The following PGLYRP3 variants were observed in gnomAD, a reference collection of about 807,000 sequenced individuals.
The protein encoded by PGLYRP3 is peptidoglycan recognition protein 3, also known as peptidoglycan recognition protein I alpha.
A neutral mutation model predicts 36.0 loss-of-function variants in PGLYRP3; 39 were observed. That is an observed-to-expected ratio of 1.08 (90% CI 0.84 to 1.41). The LOEUF is 1.41. Among genes scored for constraint, PGLYRP3 ranks in the 40% most tolerant of loss-of-function variants. The probability of loss-of-function intolerance (pLI) is 0.00; values close to 1 mark genes in which losing one functional copy is unlikely to be tolerated. For missense variants in PGLYRP3, 407 were observed against 427.9 expected, an observed-to-expected ratio of 0.95 and a Z score of 0.43; for synonymous variants, 204 against 172.8, an observed-to-expected ratio of 1.18 and a Z score of -1.42.
At chr1:153,306,467 A>G (rs1164313113) in intron 3 of PGLYRP3, among the ~76,000 whole-genome samples, 7 of 152,196 alleles carry the variant, frequency 4.6e-5, no homozygotes, top group Non-Finnish European at 7.3e-5. Flanking sequence ...CCTCCCCGCC[A>G]TTCCCAAAGC....
In PGLYRP3 at chr1:153,297,736, AG is replaced by A. The variant is rs1287081304; in HGVS notation, c.*219del. ...CCCAGGGGAGAGGTAGGTAAAAGAGAGGGGAAGTCTAAACTCAGACCAAGAG... is the reference window on the plus strand; with the variant it reads ...CCCAGGGGAGAGGTAGGTAAAAGAGAGGGAAGTCTAAACTCAGACCAAGAG... On this transcript the variant is annotated 3_prime_UTR_variant, in exon 8 of 8. Transcript: ENST00000683862. The A allele has an allele frequency of 2.1e-6, 1 of 485,158 alleles. No homozygotes were observed. Among genetic ancestry groups the A allele is most frequent in the Non-Finnish European group, 3.6e-6 (1 of 274,418 alleles). The allele number at this position is 485,158 out of a possible 1,614,324, so 30.1% of individuals were successfully genotyped here.
At chr1:153,309,145 C>G (rs548718664) in intron 2 of PGLYRP3, among the ~76,000 whole-genome samples, 1 of 152,310 alleles carries the variant, frequency 6.6e-6, no homozygotes, top group Non-Finnish European at 1.5e-5. Flanking sequence ...CCCCATTGCT[C>G]CCATTCAGTA....
chr1:153,308,821 A>T (rs1659822182), intron 2 of PGLYRP3, among the ~76,000 whole-genome samples: 1 of 152,110 alleles, frequency 6.6e-6, no homozygotes, highest in Non-Finnish European at 1.5e-5. Context: ...CTGCCCAGAG[A>T]GGCCTTTGTC....
intron 1 of PGLYRP3, among the ~76,000 whole-genome samples, chr1:153,310,931 C>T (rs1659883691): frequency 6.6e-6 from 1 of 152,134 alleles, no homozygotes; most frequent in Non-Finnish European, 1.5e-5. Context: ...CTCCTGTTGC[C>T]CTGGGCAACT....
At chr1:153,309,124 C>T (rs1194913293) in intron 2 of PGLYRP3, among the ~76,000 whole-genome samples, 1 of 152,226 alleles carries the variant, frequency 6.6e-6, no homozygotes, top group African/African-American at 2.4e-5. Flanking sequence ...CACTGCCAGC[C>T]TGTCCTTATC....
chr1:153,297,385 G>A lies in PGLYRP3; in HGVS notation c.*571C>T, dbSNP rs1659451100. ...CACACTGACCTAGGTCATGGGTGAGGGATGAAGGGTGGGGGCTTCCAGGCA... is the reference window on the plus strand; with the variant it reads ...CACACTGACCTAGGTCATGGGTGAGAGATGAAGGGTGGGGGCTTCCAGGCA... On this transcript the variant is annotated 3_prime_UTR_variant, in exon 8 of 8. Coordinates refer to ENST00000683862, the MANE Select transcript of PGLYRP3 (RefSeq NM_052891.3). 6.7e-6 allele frequency among the ~76,000 whole-genome samples: 1 copy of A among 149,974 alleles called. No homozygotes were observed. Among genetic ancestry groups the A allele is most frequent in the Non-Finnish European group, 1.5e-5 (1 of 67,694 alleles).
Position 153,310,638 on chromosome 1 carries a change from A to C in PGLYRP3, c.28T>G (p.Phe10Val), listed in dbSNP as rs1437100283. ...CAAGCCTGGAGACCCAGAATGAAGAAGGCAAGAAGCCATGGCAGCGTCCCC... is the reference window on the plus strand; with the variant it reads ...CAAGCCTGGAGACCCAGAATGAAGACGGCAAGAAGCCATGGCAGCGTCCCC... MGTLPWLLAFFILGLQAWDT... is the reference protein window; with the variant it reads MGTLPWLLAVFILGLQAWDT... The change falls in exon 2 of 8, where the codon TTC becomes GTC. Residue 10 changes from phenylalanine (F) to valine (V), a missense_variant. Physicochemically the swap from Phe to Val is conservative, Grantham distance 50 (BLOSUM62 -1). Transcript: ENST00000683862. The C allele has an allele frequency of 6.2e-6, 10 of 1,614,038 alleles. No individual in the cohort carries two copies. The highest frequency in any genetic ancestry group is 1.6e-4 in the Middle Eastern group (1 of 6,084).
In PGLYRP3 at chr1:153,297,518, G is replaced by A. The variant is rs1191809385; in HGVS notation, c.*438C>T. The stretch of plus-strand genomic sequence containing the variant: ...AAGGTGAAAGGAAGGAAGGAAGGAA[G>A]GAAGGAAGGAAGGAAGGAAGGAAGG... On this transcript the variant is annotated 3_prime_UTR_variant, in exon 8 of 8. Transcript: ENST00000683862. 5.5e-4 allele frequency among the ~76,000 whole-genome samples: 37 copies of A among 66,772 alleles called. No individual in the cohort carries two copies. The highest frequency in any genetic ancestry group is 2.2e-3 in the African/African-American group (35 of 15,792). The allele number at this position is 66,772 out of a possible 152,430, so 43.8% of individuals were successfully genotyped here.
intron 5 of PGLYRP3, among the ~76,000 whole-genome samples, chr1:153,302,879 A>G (rs1431678785): frequency 3.9e-5 from 6 of 152,226 alleles, no homozygotes; most frequent in African/African-American, 9.6e-5. Context: ...GCTGTGGGTT[A>G]TACAGAGGCA....
At chr1:153,309,812 C>A (rs1211234163) in intron 2 of PGLYRP3, among the ~76,000 whole-genome samples, 2 of 152,202 alleles carry the variant, frequency 1.3e-5, no homozygotes, top group Non-Finnish European at 2.9e-5. Context: ...AACCAGGAGG[C>A]AGGGATGAGG....
chr1:153,297,794 G>T lies in PGLYRP3; in HGVS notation c.*162C>A. On this transcript the variant is annotated 3_prime_UTR_variant, in exon 8 of 8. Transcript: ENST00000683862. Reference sequence around the variant, plus strand: ...GAATGCCCAGCTGTGAGGTTTGGGGGCTCCTGGAGGATGTTGGCAGGAAAG... The same window carrying T: ...GAATGCCCAGCTGTGAGGTTTGGGGTCTCCTGGAGGATGTTGGCAGGAAAG... 5.3e-6 allele frequency: 4 copies of T among 756,036 alleles called. No individual in the cohort carries two copies. The South Asian group carries it at 5.8e-5, about 11-fold the overall frequency. 46.8% of individuals were successfully genotyped at this position (756,036 alleles called of 1,614,324 possible).
In PGLYRP3 at chr1:153,303,881, G is replaced by A. The variant is rs969048482; in HGVS notation, c.505C>T (p.Gln169Ter). 6.2e-7 allele frequency: 1 copy of A among 1,613,566 alleles called. No individual in the cohort carries two copies. Among genetic ancestry groups the A allele is most frequent in the Admixed American group, 1.7e-5 (1 of 60,008 alleles). The change falls in exon 5 of 8, where the codon CAA (glutamine) becomes TAA (stop). Residue 169 changes from glutamine (Q) to a stop codon, truncating the protein, a stop_gained. Transcript: ENST00000683862. LOFTEE classifies it high-confidence loss of function. ...CCCTTCCTGGGCATCACTGGATGTT[G>A]AGGGTCCAGGCAGGTCTCTTCTTTC... ...LLKEETCLDP[Q>*]HPVMPRKVCP...
chr1:153,302,687 A>T (rs1659629671), intron 5 of PGLYRP3, 80 bp from the exon 6 acceptor site: 5 of 1,398,002 alleles, frequency 3.6e-6, no homozygotes, highest in Non-Finnish European at 4.0e-6. Context: ...AGGCTGGATT[A>T]TTCCTCAGCC....
rs544275867 is a variant in PGLYRP3 at position 153,297,230 on chromosome 1, G to A, written c.*726C>T. On this transcript the variant is annotated 3_prime_UTR_variant, in exon 8 of 8. Coordinates refer to ENST00000683862, the MANE Select transcript of PGLYRP3 (RefSeq NM_052891.3). ...ATGAATAAAATAGAATTCCTCCCTT[G>A]GAGAAACTTACAACCCAGAGGAGAG... Among the ~76,000 whole-genome samples the A allele has an allele frequency of 1.3e-5, 2 of 152,138 alleles. No individual in the cohort carries two copies. Among genetic ancestry groups the A allele is most frequent in the East Asian group, 3.9e-4 (2 of 5,176 alleles).
At chr1:153,300,591 C>T (rs1171831054) in intron 6 of PGLYRP3, among the ~76,000 whole-genome samples, 1 of 152,172 alleles carries the variant, frequency 6.6e-6, no homozygotes, top group Non-Finnish European at 1.5e-5. Context: ...CTGAAGGACT[C>T]TTACGCACAC....
At chr1:153,303,738 G>T in intron 5 of PGLYRP3, 119 bp downstream of exon 5, 1 of 1,202,502 alleles carries the variant, frequency 8.3e-7, no homozygotes, top group Non-Finnish European at 1.1e-6. Context: ...AAGTAGGCAT[G>T]AGATGTTCTT....
chr1:153,307,120 C>T lies in PGLYRP3; in HGVS notation c.203G>A (p.Arg68Gln), dbSNP rs148550417. Residue 68 changes from arginine (R) to glutamine (Q), a missense_variant, in exon 3 of 8, where the codon CGG (arginine) becomes CAG (glutamine). Arg to Gln is a conservative substitution (Grantham distance 43). Coordinates refer to ENST00000683862, the MANE Select transcript of PGLYRP3 (RefSeq NM_052891.3). ...QQQSVCSQML[R>Q]GLQSHSVYTI... Reference sequence around the variant, plus strand: ...GTAGACGGAATGGGACTGCAACCCCCGCAGCATCTGGCTGCAAACGCTCTG... The same window carrying T: ...GTAGACGGAATGGGACTGCAACCCCTGCAGCATCTGGCTGCAAACGCTCTG... 3.7e-3 allele frequency: 6,016 copies of T among 1,613,594 alleles called. 24 individuals carry two copies. The highest frequency in any genetic ancestry group is 4.4e-3 in the South Asian group (397 of 90,924).
At position 153,297,530 on chromosome 1, in the gene PGLYRP3, G is replaced by GAAAAA. The variant is rs1659459139; in HGVS notation, c.*425_*426insTTTTT. Among the ~76,000 whole-genome samples, 1 of 86,996 alleles carries GAAAAA rather than the reference G, an allele frequency of 1.1e-5. No individual in the cohort carries two copies. The highest frequency in any genetic ancestry group is 5.1e-5 in the African/African-American group (1 of 19,760). 57.1% of individuals were successfully genotyped at this position (86,996 alleles called of 152,430 possible). ...AGGAAGGAAGGAAGGAAGGAAGGAA[G>GAAAAA]GAAGGAAGGAAGGAAGGAAGGAAAG... is the stretch of plus-strand genomic sequence containing the variant. On this transcript the variant is annotated 3_prime_UTR_variant, in exon 8 of 8. Coordinates refer to ENST00000683862, the MANE Select transcript of PGLYRP3 (RefSeq NM_052891.3).
At chr1:153,305,162 T>A in intron 3 of PGLYRP3, 97 bp from the exon 4 acceptor site, 2 of 923,284 alleles carry the variant, frequency 2.2e-6, no homozygotes, top group Non-Finnish European at 3.4e-6. Context: ...GGCTCATAAG[T>A]AAGTACTATG....
Sources: gnomAD v4.1 joint callset for allele counts (sites outside exome capture counted in the v4.1 genomes callset) on GRCh38, gnomAD v4.1.1 for gene constraint, MANE v1.5 for transcripts, NCBI Gene and HGNC (gene_info 2026-07-23, HGNC 2026-07-21) for gene names.